HBB: variants seen among roughly 807,000 people sequenced by gnomAD.
HBB encodes the protein Hb Monza protein.
A neutral mutation model predicts 9.7 loss-of-function variants in HBB; 18 were observed. The observed-to-expected ratio is 1.86, with a 90% CI of 1.28 to 2.76. The LOEUF is 2.76. HBB is among the 30% of genes most tolerant of loss of function. HBB has a pLI of 0.00. For missense variants in HBB, 156 were observed against 177.0 expected, an observed-to-expected ratio of 0.88 and a Z score of 0.67; for synonymous variants, 99 against 73.6, an observed-to-expected ratio of 1.35 and a Z score of -1.77.
rs35328027 is a variant in HBB, at chr11:5,225,872, A to C, written c.316-146T>G. On this transcript the variant is annotated intron_variant, in intron 2 of 2. Transcript: ENST00000335295. ...CTATTAGCAATATGAAACCTCTTAC[A>C]TCAGTTACAATTTATATGCAGAAAT... is the stretch of plus-strand genomic sequence containing the variant. The C allele has an allele frequency of 1.3e-6, 1 of 748,840 alleles. No individual in the cohort carries two copies. Among genetic ancestry groups the C allele is most frequent in the Non-Finnish European group, 2.3e-6 (1 of 435,556 alleles). The allele number at this position is 748,840 out of a possible 1,614,324, so 46.4% of individuals were successfully genotyped here. A position where few individuals can be genotyped will look rare whatever the true frequency, so the allele number is the denominator to read the frequency against.
chr11:5,225,576 A>G lies in HBB; in HGVS notation c.*22T>C. 1 of 1,613,884 alleles carries G rather than the reference A, an allele frequency of 6.2e-7. No individual in the cohort carries two copies. The highest frequency in any genetic ancestry group is 8.5e-7 in the Non-Finnish European group (1 of 1,179,762). On this transcript the variant is annotated 3_prime_UTR_variant, in exon 3 of 3. Transcript: ENST00000335295. ...GGGAACAAAGGAACCTTTAATAGAA[A>G]TTGGACAGCAAGAAAGCGAGCTTAG...
Position 5,226,245 on chromosome 11 carries a change from A to C in HBB, c.315+332T>G, listed in dbSNP as rs531567967. Reference sequence around the variant, plus strand: ...AAGCACACATATATTCCAAATAGTAATGTACTAGGCAGACTGTGTAAAGTT... The same window carrying C: ...AAGCACACATATATTCCAAATAGTACTGTACTAGGCAGACTGTGTAAAGTT... On this transcript the variant is annotated intron_variant, in intron 2 of 2. Coordinates refer to ENST00000335295, the MANE Select transcript of HBB (RefSeq NM_000518.5). The C allele has an allele frequency of 2.4e-5, 11 of 466,760 alleles. No individual in the cohort carries two copies. The South Asian group carries it at 2.8e-4, about 12-fold the overall frequency. 28.9% of individuals were successfully genotyped at this position (466,760 alleles called of 1,614,324 possible).
At position 5,225,640 on chromosome 11, in the gene HBB, C is replaced by T. The variant is rs113082294; in HGVS notation, c.402G>A (p.Val134=). The change falls in exon 3 of 3, where the codon GTG becomes GTA. Residue 134 remains valine (V), a synonymous_variant. Transcript: ENST00000335295. ...CCAGGGCATTAGCCACACCAGCCAC[C>T]ACTTTCTGATAGGCAGCCTGCACTG... ...TPPVQAAYQK[V]VAGVANALAH... is the part of the protein sequence containing the mutation. 1.2e-6 allele frequency: 2 copies of T among 1,613,948 alleles called. No individual in the cohort carries two copies. The highest frequency in any genetic ancestry group is 4.5e-5 in the East Asian group (2 of 44,892).
chr11:5,225,808 C>T lies in HBB; in HGVS notation c.316-82G>A, dbSNP rs944935116. ...TCAGAATAATCCAGCCTTATCCCAACCATAAAATAAAAGCAGAATGGTAGC... is the reference window on the plus strand; with the variant it reads ...TCAGAATAATCCAGCCTTATCCCAATCATAAAATAAAAGCAGAATGGTAGC... On this transcript the variant is annotated intron_variant, in intron 2 of 2. Transcript: ENST00000335295. 2 of 1,457,534 alleles carry T rather than the reference C, an allele frequency of 1.4e-6. No individual in the cohort carries two copies. The highest frequency in any genetic ancestry group is 1.4e-5 in the African/African-American group (1 of 71,826). The allele number at this position is 1,457,534 out of a possible 1,614,324, so 90.3% of individuals were successfully genotyped here.
rs33921589 is a variant in HBB, at chr11:5,226,582, A to C, written c.310T>G (p.Phe104Val). The change falls in exon 2 of 3, where the codon TTC (phenylalanine) becomes GTC (valine). Residue 104 changes from phenylalanine (F) to valine (V), a missense_variant. Physicochemically the swap from Phe to Val is conservative, Grantham distance 50. Coordinates refer to ENST00000335295, the MANE Select transcript of HBB (RefSeq NM_000518.5). ...CAAGCGTCCCATAGACTCACCCTGA[A>C]GTTCTCAGGATCCACGTGCAGCTTG... ...CDKLHVDPEN[F>V]RLLGNVLVCV... 1 of 1,613,892 alleles carries C rather than the reference A, an allele frequency of 6.2e-7. No homozygotes were observed. The highest frequency in any genetic ancestry group is 8.5e-7 in the Non-Finnish European group (1 of 1,179,806).
In HBB at chr11:5,226,904, A is replaced by G. The variant is rs1035809053; in HGVS notation, c.92+26T>C. On this transcript the variant is annotated intron_variant, in intron 1 of 2. Coordinates refer to ENST00000335295, the MANE Select transcript of HBB (RefSeq NM_000518.5). ...GCCCAGTTTCTATTGGTCTCCTTAA[A>G]CCTGTCTTGTAACCTTGATACCAAC... 9.3e-6 allele frequency: 15 copies of G among 1,604,694 alleles called. No homozygotes were observed. The Admixed American group carries it at 1.7e-4, about 18-fold the overall frequency.
Position 5,226,284 on chromosome 11 carries a change from C to T in HBB, c.315+293G>A, listed in dbSNP as rs1320832744. The T allele has an allele frequency of 1.5e-5, 8 of 543,058 alleles. No homozygotes were observed. Among genetic ancestry groups the T allele is most frequent in the South Asian group, 9.3e-5 (4 of 42,830 alleles). 33.6% of individuals were successfully genotyped at this position (543,058 alleles called of 1,614,324 possible). A position where few individuals can be genotyped will look rare whatever the true frequency, so the allele number is the denominator to read the frequency against. On this transcript the variant is annotated intron_variant, in intron 2 of 2. Transcript: ENST00000335295. ...CTGTGTAAAGTTTTTTTTTAAGTTA[C>T]TTAATGTATCTCAGAGATATTTCCT...
intron 2 of HBB, among the ~76,000 whole-genome samples, chr11:5,226,036 TAAAC>T (rs911884715): frequency 1.3e-5 from 2 of 151,908 alleles, no homozygotes; most frequent in African/African-American, 4.8e-5. Context: ...AGAAATAAGA[TAAAC>T]AAAAAAGTAT....
Position 5,226,562 on chromosome 11 carries a change from G to T in HBB, c.315+15C>A. 6.2e-7 allele frequency: 1 copy of T among 1,610,058 alleles called. No individual in the cohort carries two copies. Among genetic ancestry groups the T allele is most frequent in the Middle Eastern group, 1.7e-4 (1 of 6,058 alleles). On this transcript the variant is annotated intron_variant, in intron 2 of 2. Coordinates refer to ENST00000335295, the MANE Select transcript of HBB (RefSeq NM_000518.5). ...AAGAAGGGGAAAGAAAACATCAAGC[G>T]TCCCATAGACTCACCCTGAAGTTCT... is the stretch of plus-strand genomic sequence containing the variant.
Position 5,225,682 on chromosome 11 carries a change from G to T in HBB, c.360C>A (p.Gly120=). The stretch of plus-strand genomic sequence containing the variant: ...CCTGCACTGGTGGGGTGAATTCTTT[G>T]CCAAAGTGATGGGCCAGCACACAGA... ...VLVCVLAHHF[G]KEFTPPVQAA... Residue 120 remains glycine (G), a synonymous_variant, in exon 3 of 3, where the codon GGC becomes GGA. Coordinates refer to ENST00000335295, the MANE Select transcript of HBB (RefSeq NM_000518.5). 4 of 1,614,048 alleles carry T rather than the reference G, an allele frequency of 2.5e-6. No individual in the cohort carries two copies. Among genetic ancestry groups the T allele is most frequent in the Non-Finnish European group, 3.4e-6 (4 of 1,179,942 alleles).
At chr11:5,226,185 AG>A (rs1847542377) in intron 2 of HBB, 1 of 322,300 alleles carries the variant, frequency 3.1e-6, no homozygotes, top group Non-Finnish European at 5.7e-6. Flanking sequence ...TAAAAATAAA[AG>A]AAAATAAAGT....
rs1008033761 is a variant in HBB, at chr11:5,226,394, G to T, written c.315+183C>A. The stretch of plus-strand genomic sequence containing the variant: ...AAAAGAAAGCAAGAATTAAACAAAA[G>T]AAAACAATTGTTATGAACAGCAAAT... On this transcript the variant is annotated intron_variant, in intron 2 of 2. Transcript: ENST00000335295. 28 of 643,088 alleles carry T rather than the reference G, an allele frequency of 4.4e-5. No individual in the cohort carries two copies. The highest frequency in any genetic ancestry group is 1.4e-4 in the Admixed American group (5 of 34,510). The allele number at this position is 643,088 out of a possible 1,614,324, so 39.8% of individuals were successfully genotyped here.
chr11:5,225,516 C>T lies in HBB; in HGVS notation c.*82G>A, dbSNP rs1223731404. 2 of 1,339,854 alleles carry T rather than the reference C, an allele frequency of 1.5e-6. No individual in the cohort carries two copies. The highest frequency in any genetic ancestry group is 2.2e-6 in the Non-Finnish European group (2 of 929,592). The allele number at this position is 1,339,854 out of a possible 1,614,324, so 83.0% of individuals were successfully genotyped here. On this transcript the variant is annotated 3_prime_UTR_variant, in exon 3 of 3. Transcript: ENST00000335295. ...AGGCAGAATCCAGATGCTCAAGGCC[C>T]TTCATAATATCCCCCAGTTTAGTAG... is the stretch of plus-strand genomic sequence containing the variant.
Position 5,226,784 on chromosome 11 carries a change from G to T in HBB, c.108C>A (p.Tyr36Ter), listed in dbSNP as rs33982568. The change falls in exon 2 of 3, where the codon TAC becomes TAA. Residue 36 changes from tyrosine (Y) to a stop codon, truncating the protein, a stop_gained. Transcript: ENST00000335295. LOFTEE classifies it high-confidence loss of function. ...GEALGRLLVV[Y>*]PWTQRFFESF... Reference sequence around the variant, plus strand: ...ACTCAAAGAACCTCTGGGTCCAAGGGTAGACCACCAGCAGCCTAAGGGTGG... The same window carrying T: ...ACTCAAAGAACCTCTGGGTCCAAGGTTAGACCACCAGCAGCCTAAGGGTGG... The T allele has an allele frequency of 3.1e-6, 5 of 1,614,142 alleles. No individual in the cohort carries two copies. The highest frequency in any genetic ancestry group is 4.2e-6 in the Non-Finnish European group (5 of 1,180,000).
Position 5,226,597 on chromosome 11 carries a change from C to T in HBB, c.295G>A (p.Val99Met), listed in dbSNP as rs33933298. Residue 99 changes from valine (V) to methionine (M), a missense_variant, in exon 2 of 3, where the codon GTG becomes ATG. By Grantham distance (21) the Val-to-Met change is conservative. Transcript: ENST00000335295. The stretch of plus-strand genomic sequence containing the variant: ...CTCACCCTGAAGTTCTCAGGATCCA[C>T]GTGCAGCTTGTCACAGTGCAGCTCA... ...LSELHCDKLH[V>M]DPENFRLLGN... The T allele has an allele frequency of 1.2e-6, 2 of 1,614,112 alleles. No homozygotes were observed. Among genetic ancestry groups the T allele is most frequent in the Non-Finnish European group, 1.7e-6 (2 of 1,180,012 alleles).
chr11:5,226,443 GACTTCCAC>G, intron 2 of HBB, 126 bp downstream of exon 2: 1 of 799,800 alleles, frequency 1.3e-6, no homozygotes, highest in Non-Finnish European at 2.1e-6. Context: ...ACGATCCTGA[GACTTCCAC>G]ACTGATGCAA....
rs281864894 is a variant in HBB, at chr11:5,226,738, G to T, written c.154C>A (p.Pro52Thr). 1.9e-6 allele frequency: 3 copies of T among 1,614,144 alleles called. No homozygotes were observed. The highest frequency in any genetic ancestry group is 2.5e-6 in the Non-Finnish European group (3 of 1,180,018). The part of the protein sequence containing the change: ...FFESFGDLST[P>T]DAVMGNPKVK... The stretch of plus-strand genomic sequence containing the variant: ...TTAGGGTTGCCCATAACAGCATCAG[G>T]AGTGGACAGATCCCCAAAGGACTCA... Residue 52 changes from proline (P) to threonine (T), a missense_variant, in exon 2 of 3, where the codon CCT becomes ACT. Pro to Thr is a conservative substitution (Grantham distance 38, BLOSUM62 -1). Transcript: ENST00000335295.
Position 5,225,678 on chromosome 11 carries a change from C to G in HBB, c.364G>C (p.Glu122Gln), listed in dbSNP as rs33946267. The change falls in exon 3 of 3, where the codon GAA (glutamate) becomes CAA (glutamine). Residue 122 changes from glutamate (E) to glutamine (Q), a missense_variant. Glu to Gln is a conservative substitution (Grantham distance 29). Coordinates refer to ENST00000335295, the MANE Select transcript of HBB (RefSeq NM_000518.5). ...GCAGCCTGCACTGGTGGGGTGAATT[C>G]TTTGCCAAAGTGATGGGCCAGCACA... ...VCVLAHHFGK[E>Q]FTPPVQAAYQ... The G allele has an allele frequency of 4.4e-4, 717 of 1,614,096 alleles. 8 individuals carry two copies. The South Asian group carries it at 5.0e-3, about 11-fold the overall frequency.
At chr11:5,225,826 A>C in intron 2 of HBB, 100 bp from the exon 3 acceptor site, 1 of 1,231,182 alleles carries the variant, frequency 8.1e-7, no homozygotes, top group Non-Finnish European at 1.2e-6. Context: ...TAAAAGCAGA[A>C]TGGTAGCTGG....
Sources: allele counts gnomAD v4.1 joint callset (sites outside exome capture counted in the v4.1 genomes callset), GRCh38; gene constraint gnomAD v4.1.1; transcripts MANE v1.5; gene names NCBI Gene and HGNC (gene_info 2026-07-23, HGNC 2026-07-21).